Variants in GALNT13 observed in about 807,000 individuals in gnomAD.
The protein encoded by GALNT13 is polypeptide N-acetylgalactosaminyltransferase 13.
Under a neutral mutation model 64.2 loss-of-function variants are expected in GALNT13, and 28 were observed. The ratio of observed to expected loss-of-function variants is 0.44; its 90% CI spans 0.32 to 0.60. The LOEUF (loss-of-function observed/expected upper bound fraction) is 0.60. Among genes scored for constraint, GALNT13 ranks in the 20% least tolerant of loss-of-function variants. The pLI, the probability that GALNT13 is intolerant of heterozygous loss-of-function variation, is 0.05. For missense variants in GALNT13, 577 were observed against 669.8 expected, an observed-to-expected ratio of 0.86 and a Z score of 1.53; for synonymous variants, 214 against 224.6, an observed-to-expected ratio of 0.95 and a Z score of 0.42.
chr2:153,497,623 C>T, the GALNT13 span, among the ~76,000 whole-genome samples: 1 of 143,648 alleles, frequency 7.0e-6, no homozygotes, highest in East Asian at 2.2e-4. Flanking sequence ...CTGCAACCTC[C>T]GCCTTCCGGG....
intron 9 of GALNT13, among the ~76,000 whole-genome samples, chr2:154,311,625 AG>A (rs1452098883): frequency 1.3e-5 from 2 of 152,194 alleles, no homozygotes; most frequent in African/African-American, 2.4e-5. Flanking sequence ...ATCAGGACAC[AG>A]GGTTTTGAGA....
chr2:153,283,065 CCTCT>C, the GALNT13 span, among the ~76,000 whole-genome samples: 1 of 152,146 alleles, frequency 6.6e-6, no homozygotes, highest in Non-Finnish European at 1.5e-5. Context: ...TTTATTAAGA[CCTCT>C]CTGTTTCCTC....
Position 154,451,824 on chromosome 2 carries a change from A to G in GALNT13, c.*1273A>G, listed in dbSNP as rs1392779120. On this transcript the variant is annotated 3_prime_UTR_variant, in exon 13 of 13. Coordinates refer to ENST00000392825, the MANE Select transcript of GALNT13 (RefSeq NM_052917.4). ...TTTTAAATGCTCAAAGAGTTGCCCT[A>G]TATATGCATGTTATCCATTATAAAT... 6.6e-6 allele frequency: 1 copy of G among 152,120 alleles called. No homozygotes were observed. Among genetic ancestry groups the G allele is most frequent in the African/African-American group, 2.4e-5 (1 of 41,448 alleles). 9.4% of individuals were successfully genotyped at this position (152,120 alleles called of 1,614,324 possible).
At chr2:153,379,132 T>C in the GALNT13 span, among the ~76,000 whole-genome samples, 1 of 152,186 alleles carries the variant, frequency 6.6e-6, no homozygotes, top group African/African-American at 2.4e-5. Flanking sequence ...GATGTGATTA[T>C]GCACTAAGAT....
chr2:153,108,717 G>T, the GALNT13 span, among the ~76,000 whole-genome samples: 9 of 152,092 alleles, frequency 5.9e-5, no homozygotes. Context: ...AAAAGAAGTT[G>T]TAGTATCAAA....
chr2:153,972,531 C>T (rs1489453447), intron 3 of GALNT13, among the ~76,000 whole-genome samples: 1 of 151,864 alleles, frequency 6.6e-6, no homozygotes, highest in African/African-American at 2.4e-5. Context: ...TAACATTTAC[C>T]AACTTATATA....
intron 3 of GALNT13, among the ~76,000 whole-genome samples, chr2:154,067,570 A>T (rs928655470): frequency 6.6e-6 from 1 of 152,128 alleles, no homozygotes; most frequent in African/African-American, 2.4e-5. Flanking sequence ...AAATGGGTCA[A>T]TTTAGCCAGA....
intron 4 of GALNT13, among the ~76,000 whole-genome samples, chr2:154,149,618 G>A (rs1349018715): frequency 2.0e-5 from 3 of 151,950 alleles, no homozygotes; most frequent in Admixed American, 6.6e-5. Context: ...AGTGGTTTAT[G>A]GTTCTCCTTG....
At chr2:153,995,122 T>C (rs554508629) in intron 3 of GALNT13, among the ~76,000 whole-genome samples, 1 of 152,022 alleles carries the variant, frequency 6.6e-6, no homozygotes, top group East Asian at 1.9e-4. Flanking sequence ...AAACAATTAA[T>C]TAGATTAGAT....
chr2:153,420,748 C>A, the GALNT13 span: 1 of 231,110 alleles, frequency 4.3e-6, no homozygotes, highest in East Asian at 1.1e-4. Context: ...GCCATGTCCT[C>A]ACAGGCCTCA....
chr2:154,427,712 T>A (rs1396321050), intron 11 of GALNT13, among the ~76,000 whole-genome samples: 1 of 152,162 alleles, frequency 6.6e-6, no homozygotes, highest in Non-Finnish European at 1.5e-5. Context: ...ATCATGTAGA[T>A]GTGTAAGAGT....
At chr2:153,718,860 T>C in the GALNT13 span, among the ~76,000 whole-genome samples, 2 of 152,224 alleles carry the variant, frequency 1.3e-5, no homozygotes, top group African/African-American at 4.8e-5. Flanking sequence ...TGTGCTGTTA[T>C]TGAATGGAGC....
the GALNT13 span, among the ~76,000 whole-genome samples, chr2:153,430,483 TC>T: frequency 5.3e-5 from 8 of 151,478 alleles, no homozygotes; most frequent in Non-Finnish European, 1.2e-4. Context: ...TGGCTTCCTG[TC>T]CCCTAAAATG....
intron 9 of GALNT13, among the ~76,000 whole-genome samples, chr2:154,312,559 G>T (rs114104171): frequency 6.6e-6 from 1 of 152,144 alleles, no homozygotes; most frequent in African/African-American, 2.4e-5. Flanking sequence ...GTTATTACAT[G>T]TGTGTGGTAA....
At chr2:153,497,522 A>ATTTTTTTTTTTTTTTTTTTT in the GALNT13 span, among the ~76,000 whole-genome samples, 1 of 36,896 alleles carries the variant, frequency 2.7e-5, no homozygotes, top group African/African-American at 1.1e-4. Flanking sequence ...TTTCTCCCGC[A>ATTTTTTTTTTTTTTTTTTTT]TTTTTTTTTT....
chr2:153,829,751 A>G, the GALNT13 span, among the ~76,000 whole-genome samples: 3 of 152,178 alleles, frequency 2.0e-5, no homozygotes, highest in Non-Finnish European at 4.4e-5. Flanking sequence ...TGATTATTTA[A>G]CCTAGAAAAT....
the GALNT13 span, among the ~76,000 whole-genome samples, chr2:153,398,340 G>A: frequency 6.6e-6 from 1 of 152,096 alleles, no homozygotes; most frequent in African/African-American, 2.4e-5. Context: ...CATTTGGGTT[G>A]GTTCCAAGTC....
chr2:154,236,912 G>A (rs1689222641), intron 4 of GALNT13, among the ~76,000 whole-genome samples: 1 of 151,696 alleles, frequency 6.6e-6, no homozygotes, highest in Non-Finnish European at 1.5e-5. Context: ...CTGATACAAC[G>A]ATATATATAT....
At chr2:154,060,274 A>G (rs1187238243) in intron 3 of GALNT13, among the ~76,000 whole-genome samples, 1 of 152,230 alleles carries the variant, frequency 6.6e-6, no homozygotes, top group Admixed American at 6.5e-5. Flanking sequence ...GCTGACTAAG[A>G]TAGTGAGTAG....
Sources: allele counts gnomAD v4.1 joint callset (sites outside exome capture counted in the v4.1 genomes callset), GRCh38; gene constraint gnomAD v4.1.1; transcripts MANE v1.5; gene names NCBI Gene and HGNC (gene_info 2026-07-23, HGNC 2026-07-21).